RTTN: variants seen among roughly 807,000 people sequenced by gnomAD.
RTTN encodes rotatin.
RTTN carries 182 observed loss-of-function variants against 269.2 expected under a neutral mutation model. The ratio of observed to expected loss-of-function variants is 0.68; its 90% confidence interval spans 0.60 to 0.76. The LOEUF (loss-of-function observed/expected upper bound fraction) is 0.76. Among genes scored for constraint, RTTN ranks in the 30% least tolerant of loss-of-function variants. RTTN has a pLI of 0.00. For synonymous variants in RTTN, 1,006 were observed against 963.5 expected (o/e 1.04, Z -0.82); for missense variants, 2,545 against 2,608.6 (o/e 0.98, Z 0.53).
chr18:70,160,764 C>A (rs117867330), intron 14 of RTTN, among the ~76,000 whole-genome samples: 2,631 of 151,634 alleles, frequency 0.017, 29 homozygotes, highest in South Asian at 0.037. Flanking sequence ...GTACAAAAAT[C>A]AGTAGCATTT....
intron 4 of RTTN, among the ~76,000 whole-genome samples, chr18:70,199,817 C>T (rs937979104): frequency 2.0e-5 from 3 of 152,130 alleles, no homozygotes; most frequent in Non-Finnish European, 4.4e-5. Flanking sequence ...CTGTGGCTGA[C>T]CAGAACATCA....
intron 35 of RTTN, among the ~76,000 whole-genome samples, chr18:70,063,310 G>A (rs989267914): frequency 6.6e-6 from 1 of 152,112 alleles, no homozygotes; most frequent in Non-Finnish European, 1.5e-5. Flanking sequence ...AAGTATCTTC[G>A]GGTAGTATTA....
chr18:70,020,934 T>A, intron 44 of RTTN, 117 bp from the exon 45 acceptor site: 2 of 772,736 alleles, frequency 2.6e-6, no homozygotes, highest in East Asian at 2.6e-5. Flanking sequence ...ACCTGTGAAC[T>A]GCAAATTAGC....
chr18:70,092,639 C>T, intron 29 of RTTN, 37 bp downstream of exon 29: 1 of 1,593,156 alleles, frequency 6.3e-7, no homozygotes, highest in Non-Finnish European at 8.6e-7. Context: ...CCCTTTCAAG[C>T]AAATGTTCAG....
At position 70,057,909 on chromosome 18, in the gene RTTN, A is replaced by C. The variant is rs2057864498; in HGVS notation, c.4941-77T>G. ...TAAAGATTAAGAAATCAGAATTTGA[A>C]GTTTAAAGGTAACTCGAATACAATT... On this transcript the variant is annotated intron_variant, in intron 36 of 48. Transcript: ENST00000640769. 40 of 1,011,850 alleles carry C rather than the reference A, an allele frequency of 4.0e-5. 1 individual carries two copies. The South Asian group carries it at 5.7e-4, about 14-fold the overall frequency. 62.7% of individuals were successfully genotyped at this position (1,011,850 alleles called of 1,614,324 possible). A position where few individuals can be genotyped will look rare whatever the true frequency, so the allele number is the denominator to read the frequency against.
At chr18:70,022,753 T>C (rs887503910) in intron 44 of RTTN, among the ~76,000 whole-genome samples, 3 of 152,202 alleles carry the variant, frequency 2.0e-5, no homozygotes, top group African/African-American at 7.2e-5. Context: ...TCCACACAAC[T>C]GAGCATGCCC....
chr18:70,182,144 A>G (rs1379706687), intron 10 of RTTN, among the ~76,000 whole-genome samples: 1 of 152,204 alleles, frequency 6.6e-6, no homozygotes, highest in Admixed American at 6.5e-5. Flanking sequence ...CTAAAGAAAA[A>G]CCAAGATTCA....
intron 42 of RTTN, among the ~76,000 whole-genome samples, chr18:70,029,802 C>T (rs963092675): frequency 6.6e-6 from 1 of 152,138 alleles, no homozygotes; most frequent in Admixed American, 6.5e-5. Context: ...AACAACAGTA[C>T]ATAATAGACA....
At chr18:70,047,874 A>G (rs903672706) in intron 40 of RTTN, 97 bp downstream of exon 40, 29 of 935,674 alleles carry the variant, frequency 3.1e-5, no homozygotes, top group Non-Finnish European at 4.2e-5. Flanking sequence ...CTATTTCTTA[A>G]TTTAAATGAC....
At chr18:70,049,956 T>C (rs1303236164) in intron 39 of RTTN, among the ~76,000 whole-genome samples, 1 of 152,204 alleles carries the variant, frequency 6.6e-6, no homozygotes, top group Non-Finnish European at 1.5e-5. Context: ...TGTATCCACA[T>C]ACAATGTACA....
chr18:70,142,430 G>A lies in RTTN; in HGVS notation c.2482-43C>T, dbSNP rs149354749. ...AAAAAAACCAAAATTACATTTATCTGCTTCCAATTCTCCAATAAGATTTTA... is the reference window on the plus strand; with the variant it reads ...AAAAAAACCAAAATTACATTTATCTACTTCCAATTCTCCAATAAGATTTTA... On this transcript the variant is annotated intron_variant, in intron 18 of 48. Transcript: ENST00000640769. 195 of 1,072,840 alleles carry A rather than the reference G, an allele frequency of 1.8e-4. No homozygotes were observed. The East Asian group carries it at 4.5e-3, about 25-fold the overall frequency. The allele number at this position is 1,072,840 out of a possible 1,614,324, so 66.5% of individuals were successfully genotyped here.
In RTTN at chr18:70,121,646, G is replaced by T; in HGVS notation, c.3438C>A (p.Ile1146=). 1.3e-6 allele frequency: 2 copies of T among 1,575,334 alleles called. No individual in the cohort carries two copies. The highest frequency in any genetic ancestry group is 1.7e-6 in the Non-Finnish European group (2 of 1,166,314). Residue 1146 remains isoleucine, a synonymous_variant, in exon 26 of 49, where the codon ATC becomes ATA. Coordinates refer to ENST00000640769, the MANE Select transcript of RTTN (RefSeq NM_173630.4). The part of the protein sequence containing the change: ...CTEDEKLLID[I]IHFLNKLIKE... ...TTATTAATTTATTTAAAAAATGTATGATATCTATTAGCAGTTTCTCATCTT... is the reference window on the plus strand; with the variant it reads ...TTATTAATTTATTTAAAAAATGTATTATATCTATTAGCAGTTTCTCATCTT...
At chr18:70,015,445 G>C (rs928585468) in intron 46 of RTTN, among the ~76,000 whole-genome samples, 4 of 152,152 alleles carry the variant, frequency 2.6e-5, no homozygotes, top group South Asian at 4.1e-4. Flanking sequence ...GGGTGCTACC[G>C]ATCAGAGGCA....
At chr18:70,089,610 G>T (rs1386664004) in intron 30 of RTTN, among the ~76,000 whole-genome samples, 2 of 152,156 alleles carry the variant, frequency 1.3e-5, no homozygotes, top group African/African-American at 4.8e-5. Flanking sequence ...GTTTTGAGGT[G>T]GATGCCAGAA....
intron 4 of RTTN, among the ~76,000 whole-genome samples, 153 bp downstream of exon 4, chr18:70,201,741 T>C (rs139224697): frequency 9.2e-5 from 14 of 151,808 alleles, no homozygotes; most frequent in African/African-American, 2.9e-4. Flanking sequence ...CTACTCGATA[T>C]CCTAAACTAA....
chr18:70,116,005 T>G (rs530201695), intron 26 of RTTN, among the ~76,000 whole-genome samples: 3 of 152,136 alleles, frequency 2.0e-5, no homozygotes, highest in East Asian at 3.9e-4. Flanking sequence ...TTCTTTTATC[T>G]TAAGCAATAT....
At chr18:70,178,701 GAAAAT>G (rs1265608646) in intron 10 of RTTN, among the ~76,000 whole-genome samples, 3 of 151,642 alleles carry the variant, frequency 2.0e-5, no homozygotes, top group African/African-American at 4.8e-5. Context: ...AGTAAAAAAA[GAAAAT>G]AAAATTCTAA....
intron 46 of RTTN, among the ~76,000 whole-genome samples, chr18:70,011,162 A>C (rs927479317): frequency 1.3e-5 from 2 of 152,190 alleles, no homozygotes; most frequent in Non-Finnish European, 2.9e-5. Context: ...CAGGCATACA[A>C]AGTGGAGCTG....
chr18:70,204,243 ATGTTGGAC>A lies in RTTN; in HGVS notation c.232_239del (p.Val78PhefsTer3), dbSNP rs762596611. 6.2e-7 allele frequency: 1 copy of A among 1,612,252 alleles called. No homozygotes were observed. Among genetic ancestry groups the A allele is most frequent in the East Asian group, 2.2e-5 (1 of 44,862 alleles). On this transcript the variant is annotated frameshift_variant, in exon 3 of 49. Transcript: ENST00000640769. LOFTEE classifies it high-confidence loss of function. ...ACTCTACTGCACCAACGTCAACCAA[ATGTTGGAC>A]TGCTGGGGGATACTAAAATAAGAAG...
Sources: allele counts gnomAD v4.1 joint callset (sites outside exome capture counted in the v4.1 genomes callset), GRCh38; gene constraint gnomAD v4.1.1; transcripts MANE v1.5; gene names NCBI Gene and HGNC (gene_info 2026-07-23, HGNC 2026-07-21).